Variants in GRM7 observed in about 807,000 individuals in gnomAD.
GRM7 encodes glutamate metabotropic receptor 7, also known as metabotropic glutamate receptor 7.
Under a neutral mutation model 84.5 loss-of-function variants are expected in GRM7, and 35 were observed. That is an observed-to-expected ratio of 0.41 (90% CI 0.32 to 0.55). The LOEUF is 0.55. GRM7 is among the 20% of genes least tolerant of loss of function. The pLI is 0.19. For missense variants in GRM7, 1,003 were observed against 1,194.6 expected, an observed-to-expected ratio of 0.84 and a Z score of 2.36; for synonymous variants, 487 against 455.1, an observed-to-expected ratio of 1.07 and a Z score of -0.89.
intron 2 of GRM7, among the ~76,000 whole-genome samples, chr3:7,193,519 G>A (rs1376369352): frequency 6.6e-6 from 1 of 152,018 alleles, no homozygotes; most frequent in Non-Finnish European, 1.5e-5. Context: ...GATTTCCATT[G>A]TGCAAGTTCA....
chr3:7,241,091 G>T (rs994776513), intron 2 of GRM7, among the ~76,000 whole-genome samples: 33 of 152,142 alleles, frequency 2.2e-4, no homozygotes, highest in African/African-American at 8.0e-4. Flanking sequence ...GATAAGGCAT[G>T]CATTAGCTGT....
chr3:7,088,207 G>A lies in GRM7; in HGVS notation c.520-58245G>A, dbSNP rs201969854. 4.7e-5 allele frequency among the ~76,000 whole-genome samples: 7 copies of A among 150,484 alleles called. No individual in the cohort carries two copies. In the East Asian group the frequency reaches 1.4e-3, roughly 30 times the overall value. ...CCTTTTCTCCATTCCTGGGACATGG[G>A]ATTGAACTGTCCCACAGAGGACACT... On this transcript the variant is annotated intron_variant, in intron 1 of 9. Transcript: ENST00000357716.
chr3:7,453,231 C>T (rs1450134058), intron 6 of GRM7, among the ~76,000 whole-genome samples: 1 of 151,976 alleles, frequency 6.6e-6, no homozygotes. Context: ...AGAGGTTTCC[C>T]CCACACACCA....
intron 2 of GRM7, among the ~76,000 whole-genome samples, chr3:7,197,735 C>T (rs935180117): frequency 1.3e-5 from 2 of 151,156 alleles, no homozygotes; most frequent in African/African-American, 2.4e-5. Context: ...GGAACAACTT[C>T]AAGTTTCTGG....
intron 7 of GRM7, among the ~76,000 whole-genome samples, chr3:7,522,944 C>T (rs1253639226): frequency 1.3e-5 from 2 of 152,140 alleles, no homozygotes; most frequent in Non-Finnish European, 2.9e-5. Context: ...CTTTCTTTCT[C>T]TCTTTCCCTT....
chr3:7,162,242 A>T (rs1488964190), intron 2 of GRM7, among the ~76,000 whole-genome samples: 2 of 152,168 alleles, frequency 1.3e-5, no homozygotes, highest in African/African-American at 2.4e-5. Flanking sequence ...TGTGACAAAA[A>T]TGCTGTGAGA....
intron 1 of GRM7, among the ~76,000 whole-genome samples, chr3:7,027,043 AG>A (rs1415647838): frequency 6.6e-6 from 1 of 152,208 alleles, no homozygotes; most frequent in Non-Finnish European, 1.5e-5. Flanking sequence ...CTGCCTGTGT[AG>A]CTCACATAGC....
chr3:7,642,613 G>T (rs922844846), intron 8 of GRM7, among the ~76,000 whole-genome samples: 2 of 152,072 alleles, frequency 1.3e-5, no homozygotes, highest in African/African-American at 4.8e-5. Flanking sequence ...TGAGTTCCAT[G>T]CACGCTTTAA....
intron 6 of GRM7, 133 bp from the exon 7 acceptor site, chr3:7,461,450 G>A: frequency 1.6e-6 from 1 of 638,424 alleles, no homozygotes; most frequent in South Asian, 2.2e-5. Context: ...GGCCGTTTTG[G>A]GGGGACCTAT....
At chr3:7,139,971 GA>G (rs1693895638) in intron 1 of GRM7, among the ~76,000 whole-genome samples, 1 of 151,794 alleles carries the variant, frequency 6.6e-6, no homozygotes, top group Non-Finnish European at 1.5e-5. Context: ...TCAAAATCAG[GA>G]AAACAACTCA....
chr3:7,405,018 T>C (rs1476959370), intron 4 of GRM7, among the ~76,000 whole-genome samples: 1 of 152,094 alleles, frequency 6.6e-6, no homozygotes, highest in Non-Finnish European at 1.5e-5. Context: ...AACCGGAACT[T>C]CTATGAGAAC....
intron 4 of GRM7, among the ~76,000 whole-genome samples, chr3:7,405,222 G>A (rs1695623298): frequency 1.3e-5 from 2 of 152,080 alleles, no homozygotes; most frequent in Non-Finnish European, 2.9e-5. Context: ...TCATATCAAG[G>A]ATAGTATATA....
intron 1 of GRM7, among the ~76,000 whole-genome samples, chr3:6,913,892 C>T (rs979986141): frequency 1.3e-4 from 20 of 152,134 alleles, no homozygotes; most frequent in Non-Finnish European, 2.6e-4. Context: ...GCCATGCCTT[C>T]TCAAAAACAG....
At position 7,716,911 on chromosome 3, in the gene GRM7, T is replaced by C. The variant is rs143169934; in HGVS notation, c.2699-23446T>C. ...CCTCCCTTTGTTTCATTTCACAGGA[T>C]TGAAATCCTTATTTTCAAAAATATA... On this transcript the variant is annotated intron_variant, in intron 9 of 9. Coordinates refer to ENST00000357716, the MANE Select transcript of GRM7 (RefSeq NM_000844.4). 1.5e-3 allele frequency among the ~76,000 whole-genome samples: 232 copies of C among 152,322 alleles called. 6 individuals are homozygous for C. In the East Asian group the frequency reaches 0.033, roughly 21 times the overall value.
chr3:7,107,487 G>T (rs1307049853), intron 1 of GRM7, among the ~76,000 whole-genome samples: 1 of 152,036 alleles, frequency 6.6e-6, no homozygotes, highest in Non-Finnish European at 1.5e-5. Flanking sequence ...TAACAAAGAT[G>T]TGTACCAGAT....
intron 1 of GRM7, among the ~76,000 whole-genome samples, chr3:6,925,467 A>G (rs889629687): frequency 6.6e-6 from 1 of 152,174 alleles, no homozygotes; most frequent in African/African-American, 2.4e-5. Flanking sequence ...TTTAACTTCA[A>G]ACTCAGCACC....
chr3:6,936,734 T>C (rs1697707780), intron 1 of GRM7, among the ~76,000 whole-genome samples: 1 of 152,204 alleles, frequency 6.6e-6, no homozygotes. Context: ...ATTCTATGAG[T>C]TTCTACATTA....
rs192042985 is a variant in GRM7 at position 7,351,780 on chromosome 3, C to T, written c.1033+45128C>T. Reference sequence around the variant, plus strand: ...AGTCTCTTTCATGTTGCTTTTTGGCCTTTGGACTCTGAGAGTTCCACCAGC... The same window carrying T: ...AGTCTCTTTCATGTTGCTTTTTGGCTTTTGGACTCTGAGAGTTCCACCAGC... On this transcript the variant is annotated intron_variant, in intron 4 of 9. Coordinates refer to ENST00000357716, the MANE Select transcript of GRM7 (RefSeq NM_000844.4). Among the ~76,000 whole-genome samples, 192 of 151,702 alleles carry T rather than the reference C, an allele frequency of 1.3e-3. 1 individual carries two copies. The highest frequency in any genetic ancestry group is 6.8e-3 in the Middle Eastern group (2 of 292).
At chr3:7,034,415 C>A (rs959207379) in intron 1 of GRM7, among the ~76,000 whole-genome samples, 8 of 151,972 alleles carry the variant, frequency 5.3e-5, no homozygotes, top group African/African-American at 1.9e-4. Context: ...CAAAAAGAAC[C>A]ACTTCTCCCA....
Sources: allele counts gnomAD v4.1 joint callset (sites outside exome capture counted in the v4.1 genomes callset), GRCh38; gene constraint gnomAD v4.1.1; transcripts MANE v1.5; gene names NCBI Gene and HGNC (gene_info 2026-07-23, HGNC 2026-07-21).